SH3D19: variants seen among roughly 807,000 people sequenced by gnomAD.
SH3D19 encodes the protein SH3 domain containing 19.
Under a neutral mutation model 112.1 loss-of-function variants are expected in SH3D19, and 58 were observed. The ratio of observed to expected loss-of-function variants is 0.52; its 90% confidence interval spans 0.42 to 0.64. The LOEUF is 0.64. SH3D19 is among the 30% of genes least tolerant of loss of function. The pLI is 0.00. For synonymous variants in SH3D19, 391 were observed against 448.5 expected (o/e 0.87, Z 1.62); for missense variants, 1,090 against 1,263.4 (o/e 0.86, Z 2.08).
rs1410848610 is a variant in SH3D19, at chr4:151,282,444, A to G, written c.112+42797T>C. The G allele has an allele frequency of 6.8e-6, 11 of 1,610,100 alleles. No individual in the cohort carries two copies. In the African/African-American group the frequency reaches 8.0e-5, roughly 12 times the overall value. The stretch of plus-strand genomic sequence containing the variant: ...AATGGGCAGAGAGAAGGGTTGTTTC[A>G]TATGTCATCCTCTTGTACTCCAGAA... On this transcript the variant is annotated intron_variant, in intron 1 of 19. Transcript: ENST00000604030.
At chr4:151,256,013 G>GGGGAGGGGGAGAGGGAGAGGGAGA in intron 1 of SH3D19, among the ~76,000 whole-genome samples, 1 of 105,270 alleles carries the variant, frequency 9.5e-6, no homozygotes, top group Non-Finnish European at 2.0e-5. Flanking sequence ...GGAAAGAGAG[G>GGGGAGGGGGAGAGGGAGAGGGAGA]GGGAGAGGGA....
At chr4:151,167,491 T>C (rs1369911532) in intron 7 of SH3D19, among the ~76,000 whole-genome samples, 1 of 152,020 alleles carries the variant, frequency 6.6e-6, no homozygotes, top group Non-Finnish European at 1.5e-5. Flanking sequence ...TATTATTATA[T>C]AAATATTTTG....
intron 11 of SH3D19, among the ~76,000 whole-genome samples, chr4:151,145,571 C>T (rs940195619): frequency 3.3e-5 from 5 of 152,170 alleles, no homozygotes; most frequent in Admixed American, 1.3e-4. Flanking sequence ...TTTGCTGACT[C>T]CTTTTTTGGA....
chr4:151,284,869 G>A (rs562950954), intron 1 of SH3D19, among the ~76,000 whole-genome samples: 2 of 152,260 alleles, frequency 1.3e-5, no homozygotes, highest in African/African-American at 4.8e-5. Context: ...ACCTGCACAT[G>A]TATGTAATTC....
At chr4:151,319,560 G>C (rs1730338162) in intron 1 of SH3D19, among the ~76,000 whole-genome samples, 1 of 152,120 alleles carries the variant, frequency 6.6e-6, no homozygotes, top group Non-Finnish European at 1.5e-5. Context: ...ACTCTGAGAG[G>C]ATATGACCTG....
intron 2 of SH3D19, among the ~76,000 whole-genome samples, chr4:151,224,784 C>T (rs536819658): frequency 5.3e-5 from 8 of 152,082 alleles, no homozygotes; most frequent in Admixed American, 3.3e-4. Context: ...TGGGCTCAAG[C>T]GATCCTCCTG....
intron 1 of SH3D19, among the ~76,000 whole-genome samples, chr4:151,280,425 T>C (rs773496564): frequency 5.7e-4 from 87 of 152,030 alleles, no homozygotes; most frequent in Non-Finnish European, 1.1e-3. Context: ...TGATTGCAGC[T>C]GCAGCTCACC....
At position 151,176,610 on chromosome 4, in the gene SH3D19, A is replaced by T; in HGVS notation, c.453T>A (p.Ala151=). The T allele has an allele frequency of 8.1e-7, 1 of 1,231,772 alleles. No homozygotes were observed. Among genetic ancestry groups the T allele is most frequent in the Non-Finnish European group, 1.0e-6 (1 of 987,620 alleles). 76.3% of individuals were successfully genotyped at this position (1,231,772 alleles called of 1,614,324 possible). A position where few individuals can be genotyped will look rare whatever the true frequency, so the allele number is the denominator to read the frequency against. The change falls in exon 6 of 20, where the codon GCT becomes GCA. Residue 151 remains alanine, a synonymous_variant. Transcript: ENST00000604030. The part of the protein sequence containing the change: ...QVNTTNNNNA[A]ATPRHTITSA... ...AAGTAATAGTGTGCCTTGGAGTAGC[A>T]GCAGCATTATTATTATTTGTAGTAT...
rs185085829 is a variant in SH3D19, at chr4:151,128,736, G to C, written c.2743-380C>G. On this transcript the variant is annotated intron_variant, in intron 17 of 19. Coordinates refer to ENST00000604030, the MANE Select transcript of SH3D19 (RefSeq NM_001378122.1). ...GCTCACTGCAGCCTTGACTTCCTGG[G>C]CTCAGGCAATCCTCCCTCCTCAGCC... Among the ~76,000 whole-genome samples the C allele has an allele frequency of 1.1e-4, 16 of 152,192 alleles. No individual in the cohort carries two copies. The East Asian group carries it at 3.1e-3, about 29-fold the overall frequency.
chr4:151,268,403 C>G (rs752603144), intron 1 of SH3D19, among the ~76,000 whole-genome samples: 22 of 152,030 alleles, frequency 1.4e-4, no homozygotes, highest in Non-Finnish European at 2.6e-4. Context: ...CTACTGTAGA[C>G]TTTATAAACA....
intron 2 of SH3D19, among the ~76,000 whole-genome samples, chr4:151,217,491 T>C (rs1767318184): frequency 6.6e-6 from 1 of 152,192 alleles, no homozygotes; most frequent in Non-Finnish European, 1.5e-5. Context: ...TCTCTCCCTG[T>C]GCTGGGTGAC....
chr4:151,260,140 A>T (rs975764755), intron 1 of SH3D19, among the ~76,000 whole-genome samples: 5 of 152,216 alleles, frequency 3.3e-5, no homozygotes, highest in Admixed American at 3.3e-4. Context: ...ATATGCCTAG[A>T]CTGCATAGCA....
chr4:151,300,222 T>C (rs546060256), intron 1 of SH3D19, among the ~76,000 whole-genome samples: 2 of 152,044 alleles, frequency 1.3e-5, no homozygotes, highest in African/African-American at 4.8e-5. Flanking sequence ...AATGTCAACC[T>C]AGCTTTCTTT....
chr4:151,227,930 C>T (rs904339761), intron 1 of SH3D19: 6 of 985,296 alleles, frequency 6.1e-6, no homozygotes, highest in Non-Finnish European at 7.2e-6. Context: ...GTAAACAAGA[C>T]TCAGTATCCA....
intron 1 of SH3D19, among the ~76,000 whole-genome samples, chr4:151,281,015 G>A (rs114064547): frequency 2.0e-3 from 310 of 152,184 alleles, no homozygotes; most frequent in African/African-American, 7.1e-3. Flanking sequence ...CAAAATAAAG[G>A]GGGAAAAACA....
chr4:151,252,568 C>T (rs1159044147), intron 1 of SH3D19, among the ~76,000 whole-genome samples: 3 of 152,148 alleles, frequency 2.0e-5, no homozygotes, highest in Admixed American at 6.5e-5. Flanking sequence ...TTTATTTATA[C>T]TCACTCCATA....
intron 1 of SH3D19, chr4:151,279,117 A>T: frequency 2.3e-6 from 1 of 437,380 alleles, no homozygotes; most frequent in Non-Finnish European, 4.5e-6. Flanking sequence ...GTATAGGCTG[A>T]CCTGCCAAGG....
chr4:151,143,876 T>TC, intron 12 of SH3D19, 34 bp downstream of exon 12: 1 of 1,583,048 alleles, frequency 6.3e-7, no homozygotes, highest in Non-Finnish European at 8.6e-7. Flanking sequence ...CTGCTATGTG[T>TC]GATATGAGGG....
chr4:151,196,650 CTTAA>C (rs1034943485), intron 2 of SH3D19, among the ~76,000 whole-genome samples: 1 of 151,708 alleles, frequency 6.6e-6, no homozygotes, highest in Admixed American at 6.6e-5. Flanking sequence ...CTTGATGGGA[CTTAA>C]TTAAACTAAA....
Sources: allele counts gnomAD v4.1 joint callset (sites outside exome capture counted in the v4.1 genomes callset), GRCh38; gene constraint gnomAD v4.1.1; transcripts MANE v1.5; gene names NCBI Gene and HGNC (gene_info 2026-07-23, HGNC 2026-07-21).